SRSF5: variants seen among roughly 807,000 people sequenced by gnomAD.
SRSF5 encodes serine and arginine rich splicing factor 5.
Under a neutral mutation model 34.0 loss-of-function variants are expected in SRSF5, and 5 were observed. The ratio of observed to expected loss-of-function variants is 0.15; its 90% confidence interval spans 0.08 to 0.31. The LOEUF is 0.31. Among genes scored for constraint, SRSF5 ranks in the 10% least tolerant of loss-of-function variants. The pLI is 1.00. For missense variants in SRSF5, 223 were observed against 351.4 expected, an observed-to-expected ratio of 0.63 and a Z score of 2.92; for synonymous variants, 164 against 117.7, an observed-to-expected ratio of 1.39 and a Z score of -2.55.
intron 5 of SRSF5, chr14:69,769,676 T>G (rs1882985751): frequency 9.4e-5 from 137 of 1,457,270 alleles, no homozygotes; most frequent in East Asian, 4.3e-4. Context: ...ATCGGTGCAC[T>G]TCCTTGAAGT....
intron 5 of SRSF5, 113 bp downstream of exon 5, chr14:69,769,364 G>T: frequency 6.6e-7 from 1 of 1,509,204 alleles, no homozygotes; most frequent in Admixed American, 2.2e-5. Context: ...GGATTTAATG[G>T]AATTGTAATT....
chr14:69,769,768 T>A (rs1882992501), intron 5 of SRSF5: 2 of 1,362,410 alleles, frequency 1.5e-6, no homozygotes, highest in Non-Finnish European at 1.9e-6. Flanking sequence ...CGCTTCCGAA[T>A]AAGAGGTCCG....
At position 69,771,472 on chromosome 14, in the gene SRSF5, A is replaced by T; in HGVS notation, c.*11A>T. On this transcript the variant is annotated 3_prime_UTR_variant, in exon 8 of 8. Coordinates refer to ENST00000557154, the MANE Select transcript of SRSF5 (RefSeq NM_001320214.2). The stretch of plus-strand genomic sequence containing the variant: ...GACAGTGGCAATTAAACTGTAAATA[A>T]CTTGCCCTGGGGGCCTTTTTTTAAA... 6.2e-6 allele frequency: 10 copies of T among 1,607,090 alleles called. No homozygotes were observed. The highest frequency in any genetic ancestry group is 8.5e-6 in the Non-Finnish European group (10 of 1,176,132).
In SRSF5 at chr14:69,770,458, T is replaced by C. The variant is rs1179773422; in HGVS notation, c.367-9T>C. 1.2e-6 allele frequency: 2 copies of C among 1,613,216 alleles called. No homozygotes were observed. Among genetic ancestry groups the C allele is most frequent in the Non-Finnish European group, 1.7e-6 (2 of 1,179,804 alleles). ...TCTTCTTTGCTTAACACAATTATCT[T>C]GTGTTAAGGATCTCAAAGATTTCAT... is the stretch of plus-strand genomic sequence containing the variant. On this transcript the variant is annotated splice_polypyrimidine_tract_variant and intron_variant, in intron 5 of 7. Coordinates refer to ENST00000557154, the MANE Select transcript of SRSF5 (RefSeq NM_001320214.2).
rs1482250097 is a variant in SRSF5, at chr14:69,769,540, G to A, written c.366+289G>A. ...TCTGTGTCGTTGGCCTTATGACGAG[G>A]AGTGCCTGTGGGTTATCCTAATCGT... On this transcript the variant is annotated intron_variant, in intron 5 of 7. Transcript: ENST00000557154. 3.9e-6 allele frequency: 6 copies of A among 1,535,266 alleles called. No homozygotes were observed. The African/African-American group carries it at 6.8e-5, about 18-fold the overall frequency.
intron 5 of SRSF5, chr14:69,769,567 G>GT: frequency 6.5e-7 from 1 of 1,535,378 alleles, no homozygotes; most frequent in Non-Finnish European, 8.7e-7. Flanking sequence ...CCTAATCGTT[G>GT]TCTTGGTCAC....
rs1293728850 is a variant in SRSF5 at position 69,769,233 on chromosome 14, C to T, written c.348C>T (p.Ser116=). 31 of 1,614,108 alleles carry T rather than the reference C, an allele frequency of 1.9e-5. No individual in the cohort carries two copies. The highest frequency in any genetic ancestry group is 2.0e-5 in the Non-Finnish European group (24 of 1,180,012). Residue 116 remains serine, a synonymous_variant, in exon 5 of 8, where the codon TCC becomes TCT. Transcript: ENST00000557154. ...TENRLIVENL[S]SRVSWQDLKD... ...ATCGTCTTATAGTTGAGAATTTATC[C>T]TCAAGAGTCAGCTGGCAGGTTTGTT... is the stretch of plus-strand genomic sequence containing the variant.
chr14:69,767,781 C>G, intron 1 of SRSF5: 1 of 354,340 alleles, frequency 2.8e-6, no homozygotes, highest in Non-Finnish European at 5.5e-6. Context: ...CGCGAGGCCG[C>G]CATTGGGCTG....
At chr14:69,770,297 G>A in intron 5 of SRSF5, 170 bp from the exon 6 acceptor site, 1 of 1,405,516 alleles carries the variant, frequency 7.1e-7, no homozygotes. Context: ...CTTATTCCGT[G>A]CCCTGACATA....
chr14:69,768,297 C>A lies in SRSF5; in HGVS notation c.126+15C>A, dbSNP rs1254980482. The A allele has an allele frequency of 6.2e-7, 1 of 1,613,950 alleles. No homozygotes were observed. Among genetic ancestry groups the A allele is most frequent in the Non-Finnish European group, 8.5e-7 (1 of 1,179,914 alleles). Reference sequence around the variant, plus strand: ...TTGGTTTTGTGGTAAGTATTTAGAACTGGGTGAATTATCTGCTAAGTAGGT... The same window carrying A: ...TTGGTTTTGTGGTAAGTATTTAGAAATGGGTGAATTATCTGCTAAGTAGGT... On this transcript the variant is annotated intron_variant, in intron 2 of 7. Transcript: ENST00000557154.
intron 3 of SRSF5, 39 bp from the exon 4 acceptor site, chr14:69,768,759 C>T (rs1422271929): frequency 1.2e-6 from 2 of 1,611,672 alleles, no homozygotes; most frequent in Non-Finnish European, 1.7e-6. Context: ...ATTTATGTAG[C>T]TTAAGTGTGT....
At chr14:69,770,372 T>A in intron 5 of SRSF5, 95 bp from the exon 6 acceptor site, 2 of 1,523,368 alleles carry the variant, frequency 1.3e-6, no homozygotes, top group Non-Finnish European at 1.8e-6. Context: ...TTATCTAACA[T>A]CTTCTCTTTC....
In SRSF5 at chr14:69,769,261, A is replaced by C; in HGVS notation, c.366+10A>C. 2 of 1,614,060 alleles carry C rather than the reference A, an allele frequency of 1.2e-6. No homozygotes were observed. Among genetic ancestry groups the C allele is most frequent in the Non-Finnish European group, 1.7e-6 (2 of 1,179,950 alleles). ...AAGAGTCAGCTGGCAGGTTTGTTGA[A>C]ATACAGTTTTGAGTTATTTTGATGT... is the stretch of plus-strand genomic sequence containing the variant. On this transcript the variant is annotated intron_variant, in intron 5 of 7. Transcript: ENST00000557154.
chr14:69,767,997 C>A, intron 1 of SRSF5, 141 bp from the exon 2 acceptor site: 1 of 907,852 alleles, frequency 1.1e-6, no homozygotes, highest in Non-Finnish European at 1.6e-6. Flanking sequence ...GGTAACCTGG[C>A]CTCATTAGAG....
chr14:69,767,636 A>C (rs1882649512), intron 1 of SRSF5: 2 of 429,150 alleles, frequency 4.7e-6, no homozygotes, highest in Non-Finnish European at 9.4e-6. Context: ...GGAAGAGGGA[A>C]TTTGGCACGC....
intron 1 of SRSF5, chr14:69,767,910 T>C (rs997602328): frequency 4.2e-6 from 2 of 481,526 alleles, no homozygotes; most frequent in Non-Finnish European, 7.6e-6. Flanking sequence ...AAGGTGGCAG[T>C]GGGCGTTGCG....
At chr14:69,768,390 C>G in intron 2 of SRSF5, 108 bp downstream of exon 2, 1 of 1,493,030 alleles carries the variant, frequency 6.7e-7, no homozygotes, top group Non-Finnish European at 9.2e-7. Flanking sequence ...GAAAATGTTA[C>G]CCAGCCTTAT....
chr14:69,770,814 G>A, intron 6 of SRSF5, 181 bp from the exon 7 acceptor site: 1 of 675,572 alleles, frequency 1.5e-6, no homozygotes, highest in Non-Finnish European at 2.5e-6. Context: ...CCTCAACAAT[G>A]AATTGGCTCA....
intron 2 of SRSF5, 115 bp downstream of exon 2, chr14:69,768,397 T>A (rs1234074684): frequency 1.4e-6 from 2 of 1,465,050 alleles, no homozygotes; most frequent in Non-Finnish European, 1.9e-6. Flanking sequence ...TTACCCAGCC[T>A]TATGTCTGAA....
Sources: allele counts gnomAD v4.1 joint callset, GRCh38; gene constraint gnomAD v4.1.1; transcripts MANE v1.5; gene names NCBI Gene and HGNC (gene_info 2026-07-23, HGNC 2026-07-21).